TTC28: variants seen among roughly 807,000 people sequenced by gnomAD.
The protein encoded by TTC28 is tetratricopeptide repeat protein 28.
TTC28 carries 61 observed loss-of-function variants against 198.0 expected under a neutral mutation model. The ratio of observed to expected loss-of-function variants is 0.31; its 90% CI spans 0.25 to 0.38. TTC28 has a LOEUF of 0.38. TTC28 is among the 10% of genes least tolerant of loss of function. The probability of loss-of-function intolerance (pLI) is 1.00; values close to 1 mark genes in which losing one functional copy is unlikely to be tolerated. For missense variants in TTC28, 2,678 were observed against 3,164.0 expected (o/e 0.85, Z 3.69); for synonymous variants, 1,171 against 1,297.8 (o/e 0.90, Z 2.10).
At chr22:28,226,847 T>C (rs1928380940) in intron 5 of TTC28, among the ~76,000 whole-genome samples, 1 of 152,238 alleles carries the variant, frequency 6.6e-6, no homozygotes, top group Admixed American at 6.5e-5. Flanking sequence ...TTCTCAATTA[T>C]ATCTTTCAAA....
intron 17 of TTC28, 83 bp from the exon 18 acceptor site, chr22:27,993,601 A>G: frequency 7.3e-7 from 1 of 1,378,968 alleles, no homozygotes; most frequent in African/African-American, 1.4e-5. Flanking sequence ...ACAAAGCCCC[A>G]GGGTGAAGCC....
chr22:28,248,091 G>C (rs926362983), intron 5 of TTC28, among the ~76,000 whole-genome samples: 2 of 152,240 alleles, frequency 1.3e-5, no homozygotes, highest in Admixed American at 6.5e-5. Context: ...CTGAAGCCCA[G>C]TCAGTATTAG....
chr22:28,578,034 CT>C (rs1490268842), intron 2 of TTC28, among the ~76,000 whole-genome samples: 1 of 151,636 alleles, frequency 6.6e-6, no homozygotes, highest in Non-Finnish European at 1.5e-5. Flanking sequence ...GTGGTCTTCT[CT>C]TCCTTCTTTC....
intron 2 of TTC28, among the ~76,000 whole-genome samples, chr22:28,514,810 C>T (rs2048750473): frequency 6.6e-6 from 1 of 152,240 alleles, no homozygotes; most frequent in Admixed American, 6.5e-5. Context: ...CACTGTTTCA[C>T]AGTCTCTGTG....
intron 5 of TTC28, among the ~76,000 whole-genome samples, chr22:28,238,449 T>C (rs1929415088): frequency 6.6e-6 from 1 of 152,318 alleles, no homozygotes; most frequent in Middle Eastern, 3.4e-3. Context: ...TCCAGTTCTT[T>C]TATATTCTAT....
chr22:28,068,856 T>A (rs1214632917), intron 12 of TTC28, among the ~76,000 whole-genome samples: 1 of 152,248 alleles, frequency 6.6e-6, no homozygotes, highest in Non-Finnish European at 1.5e-5. Context: ...GACTTCTATT[T>A]CTCAACGAGA....
intron 5 of TTC28, among the ~76,000 whole-genome samples, chr22:28,188,595 G>T (rs1355800523): frequency 1.3e-5 from 2 of 152,206 alleles, no homozygotes; most frequent in Non-Finnish European, 2.9e-5. Flanking sequence ...GAGATGTTTA[G>T]AGATGAAGAC....
chr22:27,978,905 T>C lies in TTC28; in HGVS notation c.*3316A>G, dbSNP rs1432092756. 6.6e-6 allele frequency: 1 copy of C among 152,240 alleles called. No individual in the cohort carries two copies. The highest frequency in any genetic ancestry group is 1.5e-5 in the Non-Finnish European group (1 of 68,060). 9.4% of individuals were successfully genotyped at this position (152,240 alleles called of 1,614,324 possible). A position where few individuals can be genotyped will look rare whatever the true frequency, so the allele number is the denominator to read the frequency against. On this transcript the variant is annotated 3_prime_UTR_variant, in exon 23 of 23. Transcript: ENST00000397906. ...TGATGGAGTAGCAGAGGGTGGGGCA[T>C]GCCAGTTTCCTGAGCTAAAAGGAAA...
At chr22:28,581,954 C>A (rs2050239380) in intron 2 of TTC28, among the ~76,000 whole-genome samples, 1 of 152,030 alleles carries the variant, frequency 6.6e-6, no homozygotes, top group Non-Finnish European at 1.5e-5. Context: ...TTATTTGGAA[C>A]ACTTTGGCAA....
At chr22:28,578,150 G>C (rs1458320529) in intron 2 of TTC28, among the ~76,000 whole-genome samples, 1 of 151,430 alleles carries the variant, frequency 6.6e-6, no homozygotes, top group Non-Finnish European at 1.5e-5. Flanking sequence ...TTTATTTGAG[G>C]TTACCATAAG....
At chr22:28,241,477 T>C (rs1410469192) in intron 5 of TTC28, among the ~76,000 whole-genome samples, 1 of 152,032 alleles carries the variant, frequency 6.6e-6, no homozygotes, top group Admixed American at 6.6e-5. Context: ...AATTTGAGTA[T>C]GAGCTATGGA....
chr22:28,289,728 T>A (rs2345717), intron 5 of TTC28, among the ~76,000 whole-genome samples: 15,672 of 152,160 alleles, frequency 0.1, 958 homozygotes, highest in Non-Finnish European at 0.12. Flanking sequence ...AATAAAATTT[T>A]AAAAAAAATT....
chr22:28,260,221 G>A (rs2147296276), intron 5 of TTC28, among the ~76,000 whole-genome samples: 1 of 152,274 alleles, frequency 6.6e-6, no homozygotes, highest in East Asian at 1.9e-4. Context: ...AGCAGAAGTG[G>A]AAGAAGTAGA....
intron 5 of TTC28, among the ~76,000 whole-genome samples, chr22:28,292,385 A>C (rs1308962006): frequency 6.6e-6 from 1 of 152,006 alleles, no homozygotes; most frequent in Non-Finnish European, 1.5e-5. Context: ...ATGGGGTTTC[A>C]CTATGTTGCC....
chr22:28,224,611 T>C (rs550834303), intron 5 of TTC28, among the ~76,000 whole-genome samples: 2 of 152,212 alleles, frequency 1.3e-5, no homozygotes, highest in East Asian at 3.9e-4. Context: ...AGGTCCAGAA[T>C]GGATATGTAT....
chr22:28,110,935 T>TAAAAAA (rs796954055), intron 6 of TTC28, among the ~76,000 whole-genome samples: 3 of 133,226 alleles, frequency 2.3e-5, no homozygotes, highest in Admixed American at 1.5e-4. Context: ...ACCCTGCCTT[T>TAAAAAA]AAAAAAAAAA....
At chr22:28,462,411 G>A (rs919131044) in intron 2 of TTC28, among the ~76,000 whole-genome samples, 6 of 152,282 alleles carry the variant, frequency 3.9e-5, no homozygotes, top group Admixed American at 3.9e-4. Flanking sequence ...AAGAAGTTGT[G>A]GAACAGGCCT....
Position 28,193,113 on chromosome 22 carries a change from G to C in TTC28, c.934-29514C>G, listed in dbSNP as rs199588349. ...CTCAGGACAGAAACTCTACAAGCCA[G>C]AAAAGAGTGGGGGCCAATATTCAAT... On this transcript the variant is annotated intron_variant, in intron 5 of 22. Transcript: ENST00000397906. Among the ~76,000 whole-genome samples, 4 of 152,232 alleles carry C rather than the reference G, an allele frequency of 2.6e-5. No individual in the cohort carries two copies. The East Asian group carries it at 7.7e-4, about 29-fold the overall frequency.
At chr22:28,638,605 A>G (rs2051312947) in intron 1 of TTC28, among the ~76,000 whole-genome samples, 1 of 152,202 alleles carries the variant, frequency 6.6e-6, no homozygotes, top group South Asian at 2.1e-4. Flanking sequence ...TAAAATGCAC[A>G]AACAATTCAA....
Sources: gnomAD v4.1 joint callset for allele counts (sites outside exome capture counted in the v4.1 genomes callset) on GRCh38, gnomAD v4.1.1 for gene constraint, MANE v1.5 for transcripts, NCBI Gene and HGNC (gene_info 2026-07-23, HGNC 2026-07-21) for gene names.